MMAB: variants seen among roughly 807,000 people sequenced by gnomAD.
The protein encoded by MMAB is corrinoid adenosyltransferase MMAB.
A neutral mutation model predicts 30.6 loss-of-function variants in MMAB; 17 were observed. The ratio of observed to expected loss-of-function variants is 0.56; its 90% CI spans 0.38 to 0.83. MMAB has a LOEUF of 0.83. MMAB is among the 40% of genes least tolerant of loss of function. MMAB has a pLI of 0.00. For missense variants in MMAB, 311 were observed against 331.6 expected (o/e 0.94, Z 0.48); for synonymous variants, 134 against 138.6 (o/e 0.97, Z 0.23).
intron 8 of MMAB, 21 bp downstream of exon 8, chr12:109,559,075 C>T (rs1213698125): frequency 1.2e-6 from 2 of 1,604,492 alleles, no homozygotes; most frequent in Non-Finnish European, 1.7e-6. Context: ...AGAGAGGAAC[C>T]CCCAGGTTCC....
intron 2 of MMAB, among the ~76,000 whole-genome samples, chr12:109,570,446 G>A (rs1884592731): frequency 6.6e-6 from 1 of 152,094 alleles, no homozygotes; most frequent in African/African-American, 2.4e-5. Flanking sequence ...TTACCATTTT[G>A]ACCCTTCTTA....
chr12:109,567,969 G>A (rs559928113), intron 3 of MMAB: 1 of 152,116 alleles, frequency 6.6e-6, no homozygotes, highest in African/African-American at 2.4e-5. Context: ...TACCAACAAA[G>A]TTTAGTCTCC....
In MMAB at chr12:109,568,854, C is replaced by T. The variant is rs147297426; in HGVS notation, c.206G>A (p.Ser69Asn). 108 of 1,613,196 alleles carry T rather than the reference C, an allele frequency of 6.7e-5. No homozygotes were observed. In the African/African-American group the frequency reaches 1.3e-3, roughly 20 times the overall value. Residue 69 changes from serine to asparagine, a missense_variant, in exon 3 of 9, where the codon AGT becomes AAT. Transcript: ENST00000545712. ...GGGTCTCCTTTCTCCTGTGAAGGTA[C>T]TAGAAAACCCTGTGGAAAAAAATGT... ...YTKTGDKGFS[S>N]TFTGERRPKD...
chr12:109,553,744 T>A lies in MMAB; in HGVS notation c.*3284A>T, dbSNP rs181452197. ...TGTAGCATTCATGCGGAATTTATTA[T>A]ACAAAGAATTTTATTCAATTAAACT... On this transcript the variant is annotated 3_prime_UTR_variant, in exon 9 of 9. Coordinates refer to ENST00000545712, the MANE Select transcript of MMAB (RefSeq NM_052845.4). 2.4e-5 allele frequency: 10 copies of A among 412,168 alleles called. No homozygotes were observed. In the East Asian group the frequency reaches 7.2e-4, roughly 30 times the overall value. The allele number at this position is 412,168 out of a possible 1,614,324, so 25.5% of individuals were successfully genotyped here.
chr12:109,566,609 G>A (rs904706577), intron 3 of MMAB, among the ~76,000 whole-genome samples: 6 of 152,210 alleles, frequency 3.9e-5, no homozygotes, highest in African/African-American at 1.2e-4. Flanking sequence ...TCCCACCCTC[G>A]TAGCTGCCCA....
At chr12:109,572,521 T>C (rs1312599324) in intron 1 of MMAB, among the ~76,000 whole-genome samples, 1 of 151,632 alleles carries the variant, frequency 6.6e-6, no homozygotes, top group African/African-American at 2.4e-5. Flanking sequence ...CAAAGTGTTG[T>C]GATTACAGGC....
rs72650191 is a variant in MMAB at position 109,566,630 on chromosome 12, C to G, written c.291-1454G>C. 1.2e-3 allele frequency among the ~76,000 whole-genome samples: 188 copies of G among 152,350 alleles called. 1 individual carries two copies. The highest frequency in any genetic ancestry group is 2.4e-4 in the Non-Finnish European group (16 of 68,040). On this transcript the variant is annotated intron_variant, in intron 3 of 8. Transcript: ENST00000545712. Reference sequence around the variant, plus strand: ...CCTCGTAGCTGCCCAGTGAGTGCTGCCTGCTCCCTGCACTCTGCAGCTCAG... The same window carrying G: ...CCTCGTAGCTGCCCAGTGAGTGCTGGCTGCTCCCTGCACTCTGCAGCTCAG...
rs960150863 is a variant in MMAB at position 109,555,150 on chromosome 12, A to G, written c.*1878T>C. Reference sequence around the variant, plus strand: ...GCTAGGCATGCAGGGCTGCTGTGTTATTTTATATATATATATATATTCCAG... The same window carrying G: ...GCTAGGCATGCAGGGCTGCTGTGTTGTTTTATATATATATATATATTCCAG... On this transcript the variant is annotated 3_prime_UTR_variant, in exon 9 of 9. Transcript: ENST00000545712. The G allele has an allele frequency of 1.8e-5, 8 of 446,612 alleles. No homozygotes were observed. Among genetic ancestry groups the G allele is most frequent in the Non-Finnish European group, 3.6e-5 (8 of 224,186 alleles). The allele number at this position is 446,612 out of a possible 1,614,324, so 27.7% of individuals were successfully genotyped here.
At position 109,555,129 on chromosome 12, in the gene MMAB, G is replaced by A. The variant is rs1468809344; in HGVS notation, c.*1899C>T. ...TGGAGGCTGTGCTTTCCCATGGCTA[G>A]GCATGCAGGGCTGCTGTGTTATTTT... On this transcript the variant is annotated 3_prime_UTR_variant, in exon 9 of 9. Coordinates refer to ENST00000545712, the MANE Select transcript of MMAB (RefSeq NM_052845.4). 1 of 453,308 alleles carries A rather than the reference G, an allele frequency of 2.2e-6. No individual in the cohort carries two copies. Among genetic ancestry groups the A allele is most frequent in the Non-Finnish European group, 4.4e-6 (1 of 226,710 alleles). The allele number at this position is 453,308 out of a possible 1,614,324, so 28.1% of individuals were successfully genotyped here.
At chr12:109,560,246 G>A (rs188082750) in intron 7 of MMAB, among the ~76,000 whole-genome samples, 5 of 152,242 alleles carry the variant, frequency 3.3e-5, no homozygotes, top group African/African-American at 1.2e-4. Flanking sequence ...CCAGACAGAC[G>A]TGGACTCCAA....
intron 1 of MMAB, 166 bp downstream of exon 1, chr12:109,573,181 G>C (rs1884718761): frequency 1.2e-6 from 1 of 826,028 alleles, no homozygotes; most frequent in African/African-American, 1.7e-5. Context: ...AAGACTACCT[G>C]GTCTCTGGCG....
chr12:109,561,888 G>T lies in MMAB; in HGVS notation c.349-36C>A, dbSNP rs766253599. The T allele has an allele frequency of 5.1e-6, 8 of 1,566,294 alleles. No individual in the cohort carries two copies. In the South Asian group the frequency reaches 9.2e-5, roughly 18 times the overall value. The stretch of plus-strand genomic sequence containing the variant: ...ACAGAAAGTGACAGTCAAGATCTAT[G>T]TGAGATGGGCTGGACAGAGACAATG... On this transcript the variant is annotated intron_variant, in intron 4 of 8. Transcript: ENST00000545712. The surrounding 1 kb of genome is among the most constrained non-coding windows in gnomAD (Gnocchi z 5.3).
In MMAB at chr12:109,561,421, G is replaced by A; in HGVS notation, c.518C>T (p.Pro173Leu). Residue 173 changes from proline to leucine, a missense_variant and splice_region_variant, in exon 6 of 9, where the codon CCT (proline) becomes CTT (leucine). Transcript: ENST00000545712. This position sits in a 1 kb window ranked among gnomAD's most constrained non-coding sequence, Gnocchi z 5.3. ...CGGTTAAGCCTGCCCAGTACCTACA[G>A]GCAGGATGAAGGCCGTGAGTGGTGG... is the stretch of plus-strand genomic sequence containing the variant. ...QLPPLTAFIL[P>L]SGGKISSALH... 2 of 1,550,904 alleles carry A rather than the reference G, an allele frequency of 1.3e-6. No homozygotes were observed. Among genetic ancestry groups the A allele is most frequent in the South Asian group, 1.2e-5 (1 of 84,064 alleles).
In MMAB at chr12:109,555,639, G is replaced by C. The variant is rs563901187; in HGVS notation, c.*1389C>G. On this transcript the variant is annotated 3_prime_UTR_variant, in exon 9 of 9. Transcript: ENST00000545712. ...AGTGACGATGGGGGCAGGGAGGCACGGAACAAAGCCACCTCCTGGAAGGCA... is the reference window on the plus strand; with the variant it reads ...AGTGACGATGGGGGCAGGGAGGCACCGAACAAAGCCACCTCCTGGAAGGCA... The C allele has an allele frequency of 2.2e-6, 1 of 450,604 alleles. No individual in the cohort carries two copies. Among genetic ancestry groups the C allele is most frequent in the South Asian group, 1.6e-5 (1 of 64,248 alleles). The allele number at this position is 450,604 out of a possible 1,614,324, so 27.9% of individuals were successfully genotyped here. A position where few individuals can be genotyped will look rare whatever the true frequency, so the allele number is the denominator to read the frequency against.
rs1883960986 is a variant in MMAB, at chr12:109,556,078, T to C, written c.*950A>G. 2.2e-6 allele frequency: 1 copy of C among 453,968 alleles called. No homozygotes were observed. The highest frequency in any genetic ancestry group is 1.6e-5 in the South Asian group (1 of 64,484). The allele number at this position is 453,968 out of a possible 1,614,324, so 28.1% of individuals were successfully genotyped here. A position where few individuals can be genotyped will look rare whatever the true frequency, so the allele number is the denominator to read the frequency against. ...CTGCCTCTTCTGCCCTTCATAAATA[T>C]TGCCTTTCCCAAGGACACTGCTGGC... On this transcript the variant is annotated 3_prime_UTR_variant, in exon 9 of 9. Transcript: ENST00000545712.
In MMAB at chr12:109,556,703, C is replaced by T. The variant is rs550067899; in HGVS notation, c.*325G>A. ...ACACACACACACACACGGCTCCAGCCTTTCCAACTTTTATTCCTTTTCCGC... is the reference window on the plus strand; with the variant it reads ...ACACACACACACACACGGCTCCAGCTTTTCCAACTTTTATTCCTTTTCCGC... On this transcript the variant is annotated 3_prime_UTR_variant, in exon 9 of 9. Coordinates refer to ENST00000545712, the MANE Select transcript of MMAB (RefSeq NM_052845.4). 7 of 483,608 alleles carry T rather than the reference C, an allele frequency of 1.4e-5. No individual in the cohort carries two copies. Among genetic ancestry groups the T allele is most frequent in the South Asian group, 1.1e-4 (7 of 64,722 alleles). 30.0% of individuals were successfully genotyped at this position (483,608 alleles called of 1,614,324 possible).
In MMAB at chr12:109,573,422, C is replaced by T; in HGVS notation, c.59G>A (p.Gly20Glu). Residue 20 changes from glycine to glutamate, a missense_variant, in exon 1 of 9, where the codon GGG (glycine) becomes GAG (glutamate). By Grantham distance (98) the Gly-to-Glu change is moderately conservative (BLOSUM62 -2). Coordinates refer to ENST00000545712, the MANE Select transcript of MMAB (RefSeq NM_052845.4). ...LGLGSRLGLR[G>E]CFGAARLLYP... The stretch of plus-strand genomic sequence containing the variant: ...CAGGAGCCTGGCGGCGCCGAAGCAC[C>T]CGCGCAGGCCAAGACGGCTCCCCAG... 2 of 1,609,968 alleles carry T rather than the reference C, an allele frequency of 1.2e-6. No homozygotes were observed. The highest frequency in any genetic ancestry group is 1.7e-6 in the Non-Finnish European group (2 of 1,179,192).
At position 109,573,340 on chromosome 12, in the gene MMAB, C is replaced by A; in HGVS notation, c.134+7G>T. 2 of 1,613,286 alleles carry A rather than the reference C, an allele frequency of 1.2e-6. No homozygotes were observed. Among genetic ancestry groups the A allele is most frequent in the Non-Finnish European group, 1.7e-6 (2 of 1,179,844 alleles). On this transcript the variant is annotated splice_region_variant and intron_variant, in intron 1 of 8. Transcript: ENST00000545712. ...TGTTCGAGTTGCCCTTCCCGCCAGC[C>A]ACTCACCTGTCCCCGTCTTCCACGC...
chr12:109,573,307 A>G (rs1884728421), intron 1 of MMAB, 40 bp downstream of exon 1: 2 of 1,611,494 alleles, frequency 1.2e-6, no homozygotes, highest in Non-Finnish European at 1.7e-6. Flanking sequence ...ACCACGATTC[A>G]CGGCAGGTGT....
Sources: gnomAD v4.1 joint callset for allele counts (sites outside exome capture counted in the v4.1 genomes callset) on GRCh38, gnomAD v4.1.1 for gene constraint, Gnocchi (gnomAD v3.1) non-coding constraint, MANE v1.5 for transcripts, NCBI Gene and HGNC (gene_info 2026-07-23, HGNC 2026-07-21) for gene names.